The following MARCHF1 variants were observed in gnomAD, a reference collection of about 807,000 sequenced individuals.
MARCHF1 encodes membrane associated ring-CH-type finger 1.
In MARCHF1, 40 loss-of-function variants were observed where a neutral mutation model predicts 54.2. That is an observed-to-expected ratio of 0.74 (90% CI 0.57 to 0.96). MARCHF1 has a LOEUF of 0.96. Ranked by LOEUF, MARCHF1 falls within the 40% of genes least tolerant of loss-of-function variation. MARCHF1 has a pLI of 0.00. For synonymous variants in MARCHF1, 236 were observed against 236.3 expected, an observed-to-expected ratio of 1.00 and a Z score of 0.01; for missense variants, 586 against 656.5, an observed-to-expected ratio of 0.89 and a Z score of 1.17.
At chr4:163,878,829 T>C (rs572440937) in intron 3 of MARCHF1, among the ~76,000 whole-genome samples, 1 of 152,304 alleles carries the variant, frequency 6.6e-6, no homozygotes, top group Non-Finnish European at 1.5e-5. Flanking sequence ...GTACCAGCAA[T>C]TGCAGAGTAA....
intron 1 of MARCHF1, among the ~76,000 whole-genome samples, chr4:164,347,398 T>G (rs970396601): frequency 3.9e-5 from 6 of 152,164 alleles, no homozygotes; most frequent in Admixed American, 6.6e-5. Flanking sequence ...CAAGTATCTC[T>G]TTTAGGTAAA....
chr4:164,105,966 G>C (rs776179179), intron 2 of MARCHF1, among the ~76,000 whole-genome samples: 2 of 147,062 alleles, frequency 1.4e-5, no homozygotes, highest in Non-Finnish European at 3.0e-5. Flanking sequence ...GACATGAACA[G>C]ACACTTCTCA....
rs116609114 is a variant in MARCHF1 at position 163,817,078 on chromosome 4, C to T, written c.111+36943G>A. Among the ~76,000 whole-genome samples, 431 of 152,122 alleles carry T rather than the reference C, an allele frequency of 2.8e-3. 5 individuals are homozygous for T. The highest frequency in any genetic ancestry group is 0.01 in the Middle Eastern group (3 of 294). On this transcript the variant is annotated intron_variant, in intron 4 of 9. Transcript: ENST00000514618. ...GCTCTGGCTTTGTCAGTTATTTTCT[C>T]GGCAATTTTACATAAGTTGCATGAT... is the stretch of plus-strand genomic sequence containing the variant.
intron 1 of MARCHF1, among the ~76,000 whole-genome samples, chr4:164,320,917 G>A (rs1372316287): frequency 1.3e-5 from 2 of 152,144 alleles, no homozygotes; most frequent in Non-Finnish European, 2.9e-5. Flanking sequence ...CCAGATAAGT[G>A]TCAGCAAAGC....
chr4:164,209,619 CA>C (rs1287215872), intron 1 of MARCHF1, among the ~76,000 whole-genome samples: 14 of 152,122 alleles, frequency 9.2e-5, no homozygotes, highest in African/African-American at 3.4e-4. Context: ...AGCCAAAAAG[CA>C]AAACAAAACA....
At chr4:164,111,706 G>T (rs1755837049) in intron 1 of MARCHF1, 44 bp from the exon 2 acceptor site, 1 of 151,640 alleles carries the variant, frequency 6.6e-6, no homozygotes, top group Non-Finnish European at 1.5e-5. Context: ...GCTTAAAAAT[G>T]ACCATAAGGA....
chr4:164,048,536 A>C (rs6824845), intron 2 of MARCHF1, among the ~76,000 whole-genome samples: 23,245 of 152,090 alleles, frequency 0.15, 2,151 homozygotes, highest in Middle Eastern at 0.22. Flanking sequence ...AGAATTGGAC[A>C]TTTTCAGCAA....
chr4:163,569,298 C>A (rs2110745113), intron 8 of MARCHF1, among the ~76,000 whole-genome samples: 1 of 152,182 alleles, frequency 6.6e-6, no homozygotes, highest in East Asian at 1.9e-4. Flanking sequence ...GCTGTAATGT[C>A]TCTGTCTACT....
chr4:164,000,136 C>A (rs3967464), intron 2 of MARCHF1, among the ~76,000 whole-genome samples: 34,754 of 151,482 alleles, frequency 0.23, 4,186 homozygotes, highest in Middle Eastern at 0.33. Context: ...CAGATCAAGG[C>A]ACTCTATAGT....
intron 4 of MARCHF1, among the ~76,000 whole-genome samples, chr4:163,724,448 T>TG (rs999925874): frequency 1.1e-4 from 16 of 152,262 alleles, no homozygotes; most frequent in African/African-American, 3.4e-4. Context: ...TTAGGCTACT[T>TG]GGGGGTCAGG....
intron 2 of MARCHF1, among the ~76,000 whole-genome samples, chr4:163,998,934 AG>A (rs1560855073): frequency 6.6e-6 from 1 of 151,736 alleles, no homozygotes; most frequent in African/African-American, 2.4e-5. Context: ...GATATCTCTT[AG>A]ACATAGTGAT....
intron 3 of MARCHF1, among the ~76,000 whole-genome samples, chr4:163,933,923 T>A (rs187987516): frequency 1.3e-5 from 2 of 152,360 alleles, no homozygotes; most frequent in African/African-American, 4.8e-5. Flanking sequence ...TTACACCTCC[T>A]GCCTTTGTAG....
chr4:164,115,373 T>C (rs1277815605), intron 1 of MARCHF1, among the ~76,000 whole-genome samples: 2 of 152,064 alleles, frequency 1.3e-5, no homozygotes, highest in Non-Finnish European at 2.9e-5. Flanking sequence ...AATGAAGATA[T>C]GGCATGTTGT....
Position 163,990,417 on chromosome 4 carries a change from T to C in MARCHF1, c.-247-1708A>G, listed in dbSNP as rs551508635. 3.9e-5 allele frequency among the ~76,000 whole-genome samples: 6 copies of C among 152,208 alleles called. No individual in the cohort carries two copies. In the East Asian group the frequency reaches 1.2e-3, roughly 29 times the overall value. On this transcript the variant is annotated intron_variant, in intron 2 of 9. Coordinates refer to ENST00000514618, the MANE Select transcript of MARCHF1 (RefSeq NM_001394959.1). ...CAATTTTGAGAACCATTCCAGTGCATCACGAAAATAACCTCAGCACAATAA... is the reference window on the plus strand; with the variant it reads ...CAATTTTGAGAACCATTCCAGTGCACCACGAAAATAACCTCAGCACAATAA...
At chr4:164,168,663 T>C (rs1579590131) in intron 1 of MARCHF1, among the ~76,000 whole-genome samples, 1 of 147,068 alleles carries the variant, frequency 6.8e-6, no homozygotes, top group Non-Finnish European at 1.5e-5. Flanking sequence ...TTATGTGGAA[T>C]ACACACACAC....
chr4:163,732,989 T>C (rs1745890759), intron 4 of MARCHF1, among the ~76,000 whole-genome samples: 1 of 150,588 alleles, frequency 6.6e-6, no homozygotes, highest in Non-Finnish European at 1.5e-5. Context: ...CCGTCTCTAC[T>C]AAAAATATAA....
At chr4:164,343,709 T>G (rs1338079780) in intron 1 of MARCHF1, among the ~76,000 whole-genome samples, 2 of 152,094 alleles carry the variant, frequency 1.3e-5, no homozygotes, top group Non-Finnish European at 2.9e-5. Context: ...TGGCTATTAT[T>G]AAAAAGTCAA....
At chr4:164,338,256 G>A (rs1729815481) in intron 1 of MARCHF1, among the ~76,000 whole-genome samples, 1 of 151,794 alleles carries the variant, frequency 6.6e-6, no homozygotes, top group South Asian at 2.1e-4. Flanking sequence ...AAATTACAAA[G>A]CAAAAAATTA....
intron 1 of MARCHF1, among the ~76,000 whole-genome samples, chr4:164,368,184 C>A (rs765948255): frequency 7.9e-6 from 1 of 127,140 alleles, no homozygotes; most frequent in South Asian, 2.8e-4. Flanking sequence ...AAAAAATAGC[C>A]AAATCCTAGG....
Sources: allele counts gnomAD v4.1 joint callset (sites outside exome capture counted in the v4.1 genomes callset), GRCh38; gene constraint gnomAD v4.1.1; transcripts MANE v1.5; gene names NCBI Gene and HGNC (gene_info 2026-07-23, HGNC 2026-07-21).